The following NUP214 variants were observed in gnomAD, a reference collection of about 807,000 sequenced individuals.
NUP214 encodes the protein nucleoporin 214.
A neutral mutation model predicts 196.2 loss-of-function variants in NUP214; 79 were observed. The observed-to-expected ratio is 0.40, with a 90% CI of 0.34 to 0.49. The LOEUF (loss-of-function observed/expected upper bound fraction) is 0.49, where lower values mean the gene tolerates loss of function less well. Ranked by LOEUF, NUP214 falls within the 20% of genes least tolerant of loss-of-function variation. The pLI is 0.58. For missense variants in NUP214, 2,468 were observed against 2,539.0 expected (o/e 0.97, Z 0.60); for synonymous variants, 1,020 against 990.5 (o/e 1.03, Z -0.56).
intron 21 of NUP214, among the ~76,000 whole-genome samples, chr9:131,168,443 C>A (rs1414093090): frequency 1.3e-5 from 2 of 152,082 alleles, no homozygotes; most frequent in Non-Finnish European, 2.9e-5. Flanking sequence ...AATTGTATAC[C>A]CATCACCACA....
intron 18 of NUP214, 125 bp from the exon 19 acceptor site, chr9:131,162,866 G>A (rs916052458): frequency 8.3e-6 from 7 of 842,586 alleles, no homozygotes; most frequent in Non-Finnish European, 1.3e-5. Flanking sequence ...AATGGTTCTT[G>A]TCCAGTGCTG....
At position 131,197,871 on chromosome 9, in the gene NUP214, AGCTGCCAC is replaced by A; in HGVS notation, c.4378_4385del (p.Ala1460SerfsTer13). The A allele has an allele frequency of 6.2e-7, 1 of 1,613,630 alleles. No individual in the cohort carries two copies. Among genetic ancestry groups the A allele is most frequent in the Non-Finnish European group, 8.5e-7 (1 of 1,180,004 alleles). On this transcript the variant is annotated frameshift_variant, in exon 29 of 36. Transcript: ENST00000359428. LOFTEE classifies it high-confidence loss of function. Reference sequence around the variant, plus strand: ...CCCCATCTGCCCCACCACCAACTACAGCTGCCACTCCCCTTCCAACATCATTCCCCACA... The same window carrying A: ...CCCCATCTGCCCCACCACCAACTACATCCCCTTCCAACATCATTCCCCACA...
At chr9:131,203,755 A>G (rs1834002480) in intron 30 of NUP214, among the ~76,000 whole-genome samples, 1 of 152,190 alleles carries the variant, frequency 6.6e-6, no homozygotes, top group South Asian at 2.1e-4. Context: ...AGCACCAATA[A>G]ACTAACAAGG....
chr9:131,222,095 C>CA (rs1455518245), intron 31 of NUP214, among the ~76,000 whole-genome samples: 1 of 152,190 alleles, frequency 6.6e-6, no homozygotes, highest in East Asian at 1.9e-4. Context: ...TCTAAAAGGT[C>CA]AAGGGCTTCA....
At chr9:131,222,204 A>G (rs1191834991) in intron 31 of NUP214, among the ~76,000 whole-genome samples, 2 of 152,316 alleles carry the variant, frequency 1.3e-5, no homozygotes, top group Admixed American at 6.5e-5. Flanking sequence ...CAGGAGCACC[A>G]TGATTTTTCT....
At chr9:131,152,033 C>T (rs1263597665) in intron 17 of NUP214, 139 bp downstream of exon 17, 17 of 624,068 alleles carry the variant, frequency 2.7e-5, no homozygotes, top group Middle Eastern at 4.5e-4. Context: ...CCACATTTCC[C>T]GTAAACTTCC....
At chr9:131,214,683 ATCATTTCAACAATGAAGCTAATTTAAGC>A (rs1834343366) in intron 30 of NUP214, among the ~76,000 whole-genome samples, 2 of 151,540 alleles carry the variant, frequency 1.3e-5, no homozygotes, top group Non-Finnish European at 2.9e-5. Context: ...AGCTTTGGTC[ATCATTTCAACAATGAAGCTAATTTAAGC>A]TTACTTCTGC....
At chr9:131,192,438 A>G (rs2031700) in intron 27 of NUP214, 146 bp downstream of exon 27, 485,548 of 490,376 alleles carry the variant, frequency 0.99, 240,581 homozygotes, top group East Asian at 1. Flanking sequence ...GATAGTGGCA[A>G]TAGTTTAATG....
chr9:131,224,920 T>A (rs1023620015), intron 32 of NUP214, among the ~76,000 whole-genome samples: 2 of 152,210 alleles, frequency 1.3e-5, no homozygotes, highest in African/African-American at 4.8e-5. Flanking sequence ...TTTCTTTGAC[T>A]CTTAACGGTT....
chr9:131,201,269 C>T (rs1284595196), intron 29 of NUP214, among the ~76,000 whole-genome samples: 4 of 151,610 alleles, frequency 2.6e-5, no homozygotes, highest in African/African-American at 7.3e-5. Flanking sequence ...GAGATCAAGA[C>T]CATCCTGGCC....
chr9:131,139,349 T>A lies in NUP214; in HGVS notation c.1074T>A (p.Asp358Glu), dbSNP rs141406069. 4 of 1,604,858 alleles carry A rather than the reference T, an allele frequency of 2.5e-6. No homozygotes were observed. The highest frequency in any genetic ancestry group is 1.4e-5 in the African/African-American group (1 of 74,032). Residue 358 changes from aspartate (D) to glutamate (E), a missense_variant, in exon 10 of 36, where the codon GAT (aspartate) becomes GAA (glutamate). Coordinates refer to ENST00000359428, the MANE Select transcript of NUP214 (RefSeq NM_005085.4). ...AATTGCCTGTGACAGACAAGAGTGA[T>A]GACTCCTTGCCCATGGGAGTTGTCG... ...RAELPVTDKS[D>E]DSLPMGVVVD...
At chr9:131,141,547 G>C (rs1274644041) in intron 11 of NUP214, 1 of 140,602 alleles carries the variant, frequency 7.1e-6, no homozygotes, top group East Asian at 2.2e-4. Flanking sequence ...GCAGTGGCAT[G>C]ACCACAGCTC....
rs776957606 is a variant in NUP214, at chr9:131,147,565, C to T, written c.2021C>T (p.Ala674Val). The T allele has an allele frequency of 9.3e-6, 15 of 1,613,678 alleles. No homozygotes were observed. The highest frequency in any genetic ancestry group is 1.3e-5 in the African/African-American group (1 of 75,030). ...QKSPRITPPA[A>V]KPGSPQAKSL... Reference sequence around the variant, plus strand: ...TCACCCAGGATAACCCCTCCAGCGGCAAAGCCAGGCTCTCCCCAGGTATGT... The same window carrying T: ...TCACCCAGGATAACCCCTCCAGCGGTAAAGCCAGGCTCTCCCCAGGTATGT... Residue 674 changes from alanine (A) to valine (V), a missense_variant, in exon 14 of 36, where the codon GCA becomes GTA. Ala to Val is a moderately conservative substitution (Grantham distance 64). Transcript: ENST00000359428.
chr9:131,156,368 A>C lies in NUP214; in HGVS notation c.2437-3015A>C, dbSNP rs577105661. Reference sequence around the variant, plus strand: ...AGGATGGTCTCGATCTCCTGACCTCATGATCCACCCGCCTAGGCCTCCCAA... The same window carrying C: ...AGGATGGTCTCGATCTCCTGACCTCCTGATCCACCCGCCTAGGCCTCCCAA... On this transcript the variant is annotated intron_variant, in intron 17 of 35. Transcript: ENST00000359428. 1.1e-4 allele frequency among the ~76,000 whole-genome samples: 17 copies of C among 151,878 alleles called. No homozygotes were observed. The East Asian group carries it at 3.3e-3, about 29-fold the overall frequency.
intron 4 of NUP214, among the ~76,000 whole-genome samples, chr9:131,130,148 T>TG (rs1564176317): frequency 1.2e-4 from 13 of 110,616 alleles, no homozygotes; most frequent in South Asian, 7.1e-4. Flanking sequence ...TTTTTTTTTT[T>TG]TTGTTTTTTT....
intron 21 of NUP214, among the ~76,000 whole-genome samples, chr9:131,170,908 A>G (rs143481360): frequency 1.5e-3 from 222 of 151,950 alleles, no homozygotes; most frequent in African/African-American, 5.2e-3. Flanking sequence ...AGCACTTTCT[A>G]TAGTTCATCC....
chr9:131,193,683 A>G (rs1280225669), intron 27 of NUP214, among the ~76,000 whole-genome samples: 3 of 83,740 alleles, frequency 3.6e-5, no homozygotes, highest in Non-Finnish European at 6.8e-5. Context: ...GCAGAGTATC[A>G]CTCCGTCACC....
intron 14 of NUP214, among the ~76,000 whole-genome samples, chr9:131,148,591 C>T (rs530178509): frequency 6.6e-6 from 1 of 152,146 alleles, no homozygotes; most frequent in South Asian, 2.1e-4. Flanking sequence ...TGGTATTTTT[C>T]ATCTTTTGTT....
At chr9:131,172,958 A>G (rs1382938368) in intron 21 of NUP214, among the ~76,000 whole-genome samples, 1 of 152,206 alleles carries the variant, frequency 6.6e-6, no homozygotes, top group African/African-American at 2.4e-5. Flanking sequence ...GCATTCTGAA[A>G]TTTATGATAG....
Sources: gnomAD v4.1 joint callset for allele counts (sites outside exome capture counted in the v4.1 genomes callset) on GRCh38, gnomAD v4.1.1 for gene constraint, MANE v1.5 for transcripts, NCBI Gene and HGNC (gene_info 2026-07-23, HGNC 2026-07-21) for gene names.